USP43: variants seen among roughly 807,000 people sequenced by gnomAD.
USP43 encodes the protein ubiquitin carboxyl-terminal hydrolase 43.
USP43 carries 33 observed loss-of-function variants against 90.7 expected under a neutral mutation model. The ratio of observed to expected loss-of-function variants is 0.36; its 90% CI spans 0.28 to 0.49. USP43 has a LOEUF of 0.49. USP43 is among the 20% of genes least tolerant of loss of function. The pLI is 0.98. For synonymous variants in USP43, 598 were observed against 615.8 expected (o/e 0.97, Z 0.43); for missense variants, 1,274 against 1,476.4 (o/e 0.86, Z 2.25).
Position 9,701,249 on chromosome 17 carries a change from C to G in USP43, c.1662+4C>G. The G allele has an allele frequency of 6.2e-7, 1 of 1,606,678 alleles. No individual in the cohort carries two copies. Among genetic ancestry groups the G allele is most frequent in the Non-Finnish European group, 8.5e-7 (1 of 1,176,264 alleles). ...GTTCTACACCAAGGAGGAGCAGGTC[C>G]CGCCCTGGGGGTCCATGCCCCGGCC... On this transcript the variant is annotated splice_donor_region_variant and intron_variant, in intron 11 of 14. Coordinates refer to ENST00000285199, the MANE Select transcript of USP43 (RefSeq NM_153210.5). The surrounding 1 kb of genome is among the most constrained non-coding windows in gnomAD (Gnocchi z 7.2).
Position 9,701,662 on chromosome 17 carries a change from GC to G in USP43, c.1974del (p.Cys658Ter). 6.3e-7 allele frequency: 1 copy of G among 1,583,276 alleles called. No homozygotes were observed. The highest frequency in any genetic ancestry group is 1.8e-5 in the Admixed American group (1 of 55,714). On this transcript the variant is annotated frameshift_variant, in exon 12 of 15. Coordinates refer to ENST00000285199, the MANE Select transcript of USP43 (RefSeq NM_153210.5). LOFTEE classifies it high-confidence loss of function. The surrounding 1 kb of genome is among the most constrained non-coding windows in gnomAD (Gnocchi z 7.2). ...LDFLYDLYAV[C>X]NHHGNLQGGH... is the part of the protein sequence containing the mutation. Reference sequence around the variant, plus strand: ...TTCCTGTACGACCTGTATGCCGTCTGCAACCACCATGGCAACCTGCAAGGTG... The same window carrying G: ...TTCCTGTACGACCTGTATGCCGTCTGAACCACCATGGCAACCTGCAAGGTG...
intron 1 of USP43, among the ~76,000 whole-genome samples, chr17:9,650,709 G>A (rs1291866264): frequency 3.9e-5 from 6 of 152,100 alleles, no homozygotes; most frequent in African/African-American, 1.4e-4. Flanking sequence ...CTATGTTTTT[G>A]TGGTGAGAAC....
At chr17:9,677,145 C>A (rs1913835955) in intron 5 of USP43, among the ~76,000 whole-genome samples, 2 of 152,138 alleles carry the variant, frequency 1.3e-5, no homozygotes, top group African/African-American at 2.4e-5. Context: ...CAATAGCTAC[C>A]CCTAGGTAGT....
intron 9 of USP43, among the ~76,000 whole-genome samples, chr17:9,698,610 G>A (rs1182234938): frequency 6.6e-6 from 1 of 152,178 alleles, no homozygotes; most frequent in Admixed American, 6.5e-5. Flanking sequence ...TGTGGTCTGG[G>A]CAGATAATCT....
intron 8 of USP43, among the ~76,000 whole-genome samples, chr17:9,689,012 C>T (rs946110381): frequency 3.9e-5 from 6 of 152,048 alleles, no homozygotes; most frequent in Admixed American, 2.6e-4. Context: ...AGAAATGGAT[C>T]AAGCAATCAA....
At chr17:9,652,212 CAAAA>C (rs769295315) in intron 1 of USP43, among the ~76,000 whole-genome samples, 7 of 42,718 alleles carry the variant, frequency 1.6e-4, no homozygotes, top group Admixed American at 2.5e-4. Context: ...GCCCTTAGCG[CAAAA>C]AAAAAAAAAA....
In USP43 at chr17:9,712,271, G is replaced by A. The variant is rs977501245; in HGVS notation, c.2335+139G>A. ...CGAGAGGTTTGTTCATCTCTTAAAT[G>A]GGGTCTTCTATGACCTGCCCTTCCT... On this transcript the variant is annotated intron_variant, in intron 14 of 14. Transcript: ENST00000285199. 6.3e-6 allele frequency: 7 copies of A among 1,105,006 alleles called. No individual in the cohort carries two copies. In the African/African-American group the frequency reaches 1.1e-4, roughly 18 times the overall value. 68.5% of individuals were successfully genotyped at this position (1,105,006 alleles called of 1,614,324 possible). A position where few individuals can be genotyped will look rare whatever the true frequency, so the allele number is the denominator to read the frequency against.
chr17:9,691,331 T>C (rs1914944442), intron 8 of USP43, among the ~76,000 whole-genome samples: 1 of 150,796 alleles, frequency 6.6e-6, no homozygotes, highest in Non-Finnish European at 1.5e-5. Flanking sequence ...TTGGTCAGGC[T>C]GATCTCGAAC....
At chr17:9,680,439 CA>C in intron 6 of USP43, 73 bp downstream of exon 6, 1 of 1,550,318 alleles carries the variant, frequency 6.5e-7, no homozygotes, top group Non-Finnish European at 8.8e-7. Flanking sequence ...TCCTTGGGTG[CA>C]AAGGCATAAA....
At chr17:9,653,301 G>A (rs1013855715) in intron 1 of USP43, among the ~76,000 whole-genome samples, 1 of 152,130 alleles carries the variant, frequency 6.6e-6, no homozygotes, top group Admixed American at 6.6e-5. Flanking sequence ...AAAAGCAAAG[G>A]TCTAAGCCAA....
intron 12 of USP43, among the ~76,000 whole-genome samples, chr17:9,702,402 A>G (rs1027816537): frequency 6.6e-6 from 1 of 152,178 alleles, no homozygotes; most frequent in African/African-American, 2.4e-5. Flanking sequence ...ATTTTCAACC[A>G]TATTAAATAT....
chr17:9,696,133 T>C (rs1915243957), intron 9 of USP43, among the ~76,000 whole-genome samples: 1 of 150,054 alleles, frequency 6.7e-6, no homozygotes, highest in South Asian at 2.1e-4. Context: ...GTTTTTTATG[T>C]TTTGTTTTGT....
intron 1 of USP43, among the ~76,000 whole-genome samples, chr17:9,648,956 T>C (rs1283238149): frequency 2.0e-5 from 3 of 148,724 alleles, no homozygotes; most frequent in African/African-American, 7.4e-5. Context: ...TCTCTCTCTC[T>C]CTCCCTCCCT....
At chr17:9,678,908 A>G (rs527794079) in intron 5 of USP43, among the ~76,000 whole-genome samples, 1 of 152,154 alleles carries the variant, frequency 6.6e-6, no homozygotes, top group African/African-American at 2.4e-5. Context: ...AGTGGTTACT[A>G]AAATGTCAAC....
rs114261583 is a variant in USP43, at chr17:9,696,009, T to C, written c.1457+2779T>C. 3.4e-3 allele frequency among the ~76,000 whole-genome samples: 522 copies of C among 152,306 alleles called. 4 individuals carry two copies. Among genetic ancestry groups the C allele is most frequent in the African/African-American group, 0.012 (499 of 41,564 alleles). ...TGTATGTATACACCACCTAGAAATA[T>C]ATCTCCTAGAATTTTTTTTGTCTGC... On this transcript the variant is annotated intron_variant, in intron 9 of 14. Coordinates refer to ENST00000285199, the MANE Select transcript of USP43 (RefSeq NM_153210.5).
intron 12 of USP43, among the ~76,000 whole-genome samples, chr17:9,708,928 GT>G (rs34069954): frequency 1.3e-4 from 20 of 151,828 alleles, no homozygotes; most frequent in South Asian, 4.2e-4. Flanking sequence ...CGCCCGGCCT[GT>G]TTTTTTTCCC....
At chr17:9,708,928 G>GT (rs34069954) in intron 12 of USP43, among the ~76,000 whole-genome samples, 2 of 151,712 alleles carry the variant, frequency 1.3e-5, no homozygotes, top group East Asian at 1.9e-4. Context: ...CGCCCGGCCT[G>GT]TTTTTTTTCC....
intron 14 of USP43, among the ~76,000 whole-genome samples, chr17:9,719,308 T>G (rs1755337848): frequency 6.6e-6 from 1 of 152,126 alleles, no homozygotes; most frequent in African/African-American, 2.4e-5. Context: ...AGGAGGCGAT[T>G]TCAAAGGATG....
chr17:9,668,818 C>T (rs996409499), intron 3 of USP43, among the ~76,000 whole-genome samples: 3 of 152,070 alleles, frequency 2.0e-5, no homozygotes, highest in East Asian at 1.9e-4. Context: ...CCATGAAAGC[C>T]GCTTGTAGGG....
Sources: gnomAD v4.1 joint callset for allele counts (sites outside exome capture counted in the v4.1 genomes callset) on GRCh38, gnomAD v4.1.1 for gene constraint, Gnocchi (gnomAD v3.1) non-coding constraint, MANE v1.5 for transcripts, NCBI Gene and HGNC (gene_info 2026-07-23, HGNC 2026-07-21) for gene names.